MBD5: variants seen among roughly 807,000 people sequenced by gnomAD.
MBD5 encodes the protein methyl-CpG binding domain protein 5, also known as methyl-CpG-binding domain protein 5.
A neutral mutation model predicts 117.3 loss-of-function variants in MBD5; 13 were observed. That is an observed-to-expected ratio of 0.11 (90% CI 0.07 to 0.18). The LOEUF is 0.18. Among genes scored for constraint, MBD5 ranks in the 10% least tolerant of loss-of-function variants. The pLI is 1.00. For missense variants in MBD5, 1,879 were observed against 2,093.8 expected (o/e 0.90, Z 2.00); for synonymous variants, 727 against 766.4 (o/e 0.95, Z 0.85).
At chr2:148,203,532 A>G (rs1449098982) in intron 2 of MBD5, among the ~76,000 whole-genome samples, 1 of 152,180 alleles carries the variant, frequency 6.6e-6, no homozygotes, top group Non-Finnish European at 1.5e-5. Context: ...GACAGAATAT[A>G]ATGGTTTTAC....
chr2:148,247,513 A>G (rs1203257659), intron 3 of MBD5, among the ~76,000 whole-genome samples: 2 of 152,220 alleles, frequency 1.3e-5, no homozygotes, highest in East Asian at 1.9e-4. Flanking sequence ...CAGTTCAGAT[A>G]TTGAGTTCCT....
At chr2:148,499,338 CATGA>C (rs1271998524) in intron 11 of MBD5, among the ~76,000 whole-genome samples, 1 of 152,096 alleles carries the variant, frequency 6.6e-6, no homozygotes, top group Non-Finnish European at 1.5e-5. Flanking sequence ...TATATTTATA[CATGA>C]ATAAGTAAAC....
intron 3 of MBD5, among the ~76,000 whole-genome samples, chr2:148,254,417 G>T (rs576819337): frequency 6.6e-6 from 1 of 152,166 alleles, no homozygotes; most frequent in Non-Finnish European, 1.5e-5. Flanking sequence ...AACCTGAGTG[G>T]TGTGCTGTGC....
At chr2:148,236,917 T>A (rs1700103921) in intron 3 of MBD5, among the ~76,000 whole-genome samples, 1 of 152,204 alleles carries the variant, frequency 6.6e-6, no homozygotes, top group Non-Finnish European at 1.5e-5. Context: ...AGCTTCTAGA[T>A]CACTTGCTGC....
intron 3 of MBD5, among the ~76,000 whole-genome samples, chr2:148,280,131 C>CAAAAAAAAAAAAAAAAAAAAAA (rs3076398): frequency 4.4e-5 from 4 of 91,882 alleles, no homozygotes; most frequent in Non-Finnish European, 4.3e-5. Context: ...AAACTAACTG[C>CAAAAAAAAAAAAAAAAAAAAAA]AAAAAAAAAA....
chr2:148,241,902 G>T (rs1396008431), intron 3 of MBD5, among the ~76,000 whole-genome samples: 1 of 152,194 alleles, frequency 6.6e-6, no homozygotes, highest in Non-Finnish European at 1.5e-5. Flanking sequence ...GTTGTTGTCA[G>T]TGAGAGAGTC....
intron 10 of MBD5, 120 bp from the exon 11 acceptor site, chr2:148,489,266 A>G (rs1681436501): frequency 6.8e-6 from 8 of 1,185,122 alleles, no homozygotes; most frequent in Middle Eastern, 2.2e-4. Context: ...CTTGTTCTTT[A>G]TATTTCCTTC....
chr2:148,232,554 G>T (rs1323120442), intron 2 of MBD5, among the ~76,000 whole-genome samples: 2 of 151,954 alleles, frequency 1.3e-5, no homozygotes, highest in African/African-American at 4.8e-5. Flanking sequence ...GTGCATTGCA[G>T]CCTCGACCAC....
intron 11 of MBD5, among the ~76,000 whole-genome samples, chr2:148,491,251 G>T (rs557798145): frequency 6.7e-6 from 1 of 149,822 alleles, no homozygotes; most frequent in Non-Finnish European, 1.5e-5. Flanking sequence ...GCTTCTCCAT[G>T]AAACTACCGT....
rs11389519 is a variant in MBD5 at position 148,197,818 on chromosome 2, G to GTT, written c.-831+19036_-831+19037dup. ...GGTTTTTTTTTTTGTTTTTTTTTTTGTTTTTTTTTTTTGAGACAAAGTTTT... is the reference window on the plus strand; with the variant it reads ...GGTTTTTTTTTTTGTTTTTTTTTTTGTTTTTTTTTTTTTTGAGACAAAGTTTT... On this transcript the variant is annotated intron_variant, in intron 2 of 13. Transcript: ENST00000642680. Among the ~76,000 whole-genome samples, 132 of 103,508 alleles carry GTT rather than the reference G, an allele frequency of 1.3e-3. 3 individuals are homozygous for GTT. Among genetic ancestry groups the GTT allele is most frequent in the East Asian group, 2.8e-3 (10 of 3,568 alleles). 67.9% of individuals were successfully genotyped at this position (103,508 alleles called of 152,430 possible). A position where few individuals can be genotyped will look rare whatever the true frequency, so the allele number is the denominator to read the frequency against.
At chr2:148,270,714 A>G (rs1293153220) in intron 3 of MBD5, among the ~76,000 whole-genome samples, 1 of 148,986 alleles carries the variant, frequency 6.7e-6, no homozygotes, top group African/African-American at 2.5e-5. Flanking sequence ...CTGACTTTCA[A>G]TTTTTTTTTT....
At chr2:148,353,446 C>T (rs953611592) in intron 4 of MBD5, among the ~76,000 whole-genome samples, 2 of 152,006 alleles carry the variant, frequency 1.3e-5, no homozygotes, top group Non-Finnish European at 2.9e-5. Context: ...AATTTGCTTC[C>T]ACTTGAAAAT....
chr2:148,230,184 A>G (rs945721625), intron 2 of MBD5, among the ~76,000 whole-genome samples: 10 of 152,160 alleles, frequency 6.6e-5, no homozygotes, highest in African/African-American at 1.9e-4. Context: ...GCCATGCAGG[A>G]GCCAGGGACT....
In MBD5 at chr2:148,463,939, G is replaced by A. The variant is rs201763502; in HGVS notation, c.397+20G>A. On this transcript the variant is annotated intron_variant, in intron 7 of 13. Coordinates refer to ENST00000642680, the MANE Select transcript of MBD5 (RefSeq NM_001378120.1). The stretch of plus-strand genomic sequence containing the variant: ...GAACAAGTATGTAATATGGTGAAAG[G>A]TTCAGGAATTCTCCTCTCCCTAGAG... The A allele has an allele frequency of 2.9e-5, 47 of 1,611,706 alleles. No individual in the cohort carries two copies. The highest frequency in any genetic ancestry group is 3.9e-5 in the Non-Finnish European group (46 of 1,178,690).
intron 2 of MBD5, among the ~76,000 whole-genome samples, chr2:148,222,260 A>G (rs1470002371): frequency 6.6e-6 from 1 of 152,112 alleles, no homozygotes; most frequent in East Asian, 1.9e-4. Flanking sequence ...GTGGTTCCAT[A>G]TAAATTTTAC....
intron 1 of MBD5, among the ~76,000 whole-genome samples, chr2:148,136,827 A>G (rs978633192): frequency 2.0e-5 from 3 of 152,076 alleles, no homozygotes; most frequent in Non-Finnish European, 4.4e-5. Context: ...CAGTGGCACA[A>G]TCTTGGCTCA....
rs114938691 is a variant in MBD5 at position 148,446,656 on chromosome 2, A to C, written c.-556-11547A>C. On this transcript the variant is annotated intron_variant, in intron 4 of 13. Coordinates refer to ENST00000642680, the MANE Select transcript of MBD5 (RefSeq NM_001378120.1). The stretch of plus-strand genomic sequence containing the variant: ...TAAAACTGAAATACTTGAGCTTGCT[A>C]TCCGAGTAAGTAACTTAATTATATC... Among the ~76,000 whole-genome samples the C allele has an allele frequency of 9.0e-3, 1,333 of 148,590 alleles. 22 individuals carry two copies. Among genetic ancestry groups the C allele is most frequent in the African/African-American group, 0.031 (1,239 of 40,310 alleles).
At chr2:148,441,822 A>G (rs557597717) in intron 4 of MBD5, among the ~76,000 whole-genome samples, 63 of 151,910 alleles carry the variant, frequency 4.1e-4, no homozygotes, top group African/African-American at 1.5e-3. Flanking sequence ...ATGGTATCTC[A>G]TTGTGGTTTT....
chr2:148,426,555 G>T (rs1179459763), intron 4 of MBD5, among the ~76,000 whole-genome samples: 3 of 152,074 alleles, frequency 2.0e-5, no homozygotes, highest in Admixed American at 2.0e-4. Flanking sequence ...ATGGGGAAAG[G>T]ATTCCCTATT....
Sources: allele counts gnomAD v4.1 joint callset (sites outside exome capture counted in the v4.1 genomes callset), GRCh38; gene constraint gnomAD v4.1.1; transcripts MANE v1.5; gene names NCBI Gene and HGNC (gene_info 2026-07-23, HGNC 2026-07-21).